The following TCF3 variants were observed in gnomAD, a reference collection of about 807,000 sequenced individuals.
TCF3 encodes the protein transcription factor 3, also known as transcription factor E2-alpha.
TCF3 carries 54 observed loss-of-function variants against 72.3 expected under a neutral mutation model. The ratio of observed to expected loss-of-function variants is 0.75; its 90% CI spans 0.60 to 0.94. The LOEUF (loss-of-function observed/expected upper bound fraction) is 0.94, where lower values mean the gene tolerates loss of function less well. Among genes scored for constraint, TCF3 ranks in the 40% least tolerant of loss-of-function variants. The pLI is 0.00. For synonymous variants in TCF3, 525 were observed against 412.6 expected (o/e 1.27, Z -3.30); for missense variants, 1,078 against 934.4 (o/e 1.15, Z -2.00).
intron 6 of TCF3, 49 bp from the exon 7 acceptor site, chr19:1,625,757 C>T (rs1263895859): frequency 1.4e-6 from 2 of 1,442,962 alleles, no homozygotes; most frequent in Non-Finnish European, 1.8e-6. Context: ...ATCCAGACCC[C>T]AGGCTGTTCC....
At chr19:1,644,883 C>A (rs1227711700) in intron 3 of TCF3, among the ~76,000 whole-genome samples, 1 of 148,832 alleles carries the variant, frequency 6.7e-6, no homozygotes, top group Non-Finnish European at 1.5e-5. Context: ...TTGGGAGTTG[C>A]GCTTCCTCCT....
chr19:1,621,970 C>T lies in TCF3; in HGVS notation c.823G>A (p.Gly275Ser), dbSNP rs1445443955. The change falls in exon 11 of 19, where the codon GGC becomes AGC. Residue 275 changes from glycine (G) to serine (S), a missense_variant and splice_region_variant. Physicochemically the swap from Gly to Ser is moderately conservative, Grantham distance 56. Transcript: ENST00000262965. The part of the protein sequence containing the change: ...FGGLHQHERM[G>S]YQLHGAEVNG... Reference sequence around the variant, plus strand: ...ACCTCTGCTCCATGCAGCTGGTAGCCCTGGGGGGTCAGGCAGGAGGAGGGT... The same window carrying T: ...ACCTCTGCTCCATGCAGCTGGTAGCTCTGGGGGGTCAGGCAGGAGGAGGGT... 2 of 1,604,886 alleles carry T rather than the reference C, an allele frequency of 1.2e-6. No individual in the cohort carries two copies. Among genetic ancestry groups the T allele is most frequent in the African/African-American group, 2.7e-5 (2 of 74,802 alleles).
At chr19:1,621,310 C>G in intron 11 of TCF3, 119 bp from the exon 12 acceptor site, 1 of 1,254,618 alleles carries the variant, frequency 8.0e-7, no homozygotes, top group Non-Finnish European at 1.1e-6. Context: ...AGCAGCCTGA[C>G]TCGGGTCCGG....
intron 3 of TCF3, among the ~76,000 whole-genome samples, chr19:1,644,174 G>A (rs1015066307): frequency 2.6e-5 from 4 of 152,318 alleles, no homozygotes; most frequent in African/African-American, 7.2e-5. Flanking sequence ...GGATCCCTCC[G>A]CCCCTCGCAC....
chr19:1,619,613 C>T (rs1411923352), intron 14 of TCF3, 139 bp from the exon 15 acceptor site: 25 of 1,342,844 alleles, frequency 1.9e-5, no homozygotes, highest in Admixed American at 2.5e-5. Flanking sequence ...AGGCATCTGG[C>T]GCCCGGGAGC....
chr19:1,626,155 T>C (rs2062851707), intron 6 of TCF3, among the ~76,000 whole-genome samples: 3 of 152,092 alleles, frequency 2.0e-5, no homozygotes, highest in Non-Finnish European at 4.4e-5. Flanking sequence ...ACTCCTGCAT[T>C]TCATCCGTTC....
At position 1,650,160 on chromosome 19, in the gene TCF3, C is replaced by CGG; in HGVS notation, c.72+15_72+16dup. ...AGGCAAAGGGGTGTCGGGGGCTGGG[C>CGG]GGGGGTCCTGGCTCACCATGCTGAA... On this transcript the variant is annotated intron_variant, in intron 2 of 18. Coordinates refer to ENST00000262965, the MANE Select transcript of TCF3 (RefSeq NM_003200.5). The CGG allele has an allele frequency of 6.5e-7, 1 of 1,547,136 alleles. No homozygotes were observed. The highest frequency in any genetic ancestry group is 8.7e-7 in the Non-Finnish European group (1 of 1,146,490).
chr19:1,613,657 G>A (rs1380872782), intron 18 of TCF3, among the ~76,000 whole-genome samples: 1 of 152,104 alleles, frequency 6.6e-6, no homozygotes, highest in Non-Finnish European at 1.5e-5. Context: ...CCGGGACTGG[G>A]GAGTCCAGGA....
At position 1,626,477 on chromosome 19, in the gene TCF3, A is replaced by G. The variant is rs376060422; in HGVS notation, c.367-769T>C. Among the ~76,000 whole-genome samples the G allele has an allele frequency of 4.2e-4, 64 of 151,194 alleles. No homozygotes were observed. In the East Asian group the frequency reaches 5.3e-3, roughly 12 times the overall value. On this transcript the variant is annotated intron_variant, in intron 6 of 18. Coordinates refer to ENST00000262965, the MANE Select transcript of TCF3 (RefSeq NM_003200.5). ...AAAAAAAAAAAGAATCATCTGTTCTATCATCATCCAGTGGCCCCACGGGGT... is the reference window on the plus strand; with the variant it reads ...AAAAAAAAAAAGAATCATCTGTTCTGTCATCATCCAGTGGCCCCACGGGGT...
At chr19:1,637,243 C>A (rs927025151) in intron 3 of TCF3, among the ~76,000 whole-genome samples, 1 of 151,846 alleles carries the variant, frequency 6.6e-6, no homozygotes, top group African/African-American at 2.4e-5. Flanking sequence ...CTGGCAACCT[C>A]CTCCACCAGA....
At chr19:1,642,183 CACGCAGACACAG>C (rs1182351385) in intron 3 of TCF3, among the ~76,000 whole-genome samples, 78 of 147,688 alleles carry the variant, frequency 5.3e-4, no homozygotes, top group African/African-American at 1.6e-3. Context: ...TACACACACG[CACGCAGACACAG>C]ACGCAGACAC....
chr19:1,621,735 G>A, intron 11 of TCF3, 103 bp downstream of exon 11: 5 of 1,403,288 alleles, frequency 3.6e-6, no homozygotes, highest in Non-Finnish European at 4.7e-6. Context: ...AGGGCCAGCA[G>A]ACGCGCCTGC....
chr19:1,636,144 G>A (rs1027359586), intron 3 of TCF3, among the ~76,000 whole-genome samples: 1 of 152,116 alleles, frequency 6.6e-6, no homozygotes, highest in Non-Finnish European at 1.5e-5. Context: ...TTCCTTGGGT[G>A]GAGCAGTATT....
chr19:1,611,879 G>T (rs754879566), intron 18 of TCF3, 30 bp from the exon 19 acceptor site: 7 of 1,460,652 alleles, frequency 4.8e-6, no homozygotes, highest in Admixed American at 3.7e-5. Context: ...CTCTGTGGGA[G>T]ACGGTCCCAG....
At chr19:1,642,892 C>T (rs539935917) in intron 3 of TCF3, among the ~76,000 whole-genome samples, 5 of 152,332 alleles carry the variant, frequency 3.3e-5, no homozygotes, top group East Asian at 1.9e-4. Context: ...TAAAGCAGAA[C>T]GCGGAGGTGC....
Position 1,615,810 on chromosome 19 carries a change from C to G in TCF3, c.1462G>C (p.Ala488Pro), listed in dbSNP as rs756936553. ...PPDSYSGLGR[A>P]GATAAASEIK... Reference sequence around the variant, plus strand: ...TCGCTGGCGGCCGCCGTGGCACCTGCTCGCCCTAGCCCTGCAACAGGCCTA... The same window carrying G: ...TCGCTGGCGGCCGCCGTGGCACCTGGTCGCCCTAGCCCTGCAACAGGCCTA... The change falls in exon 17 of 19, where the codon GCA (alanine) becomes CCA (proline). Residue 488 changes from alanine to proline, a missense_variant. Physicochemically the swap from Ala to Pro is conservative, Grantham distance 27. Coordinates refer to ENST00000262965, the MANE Select transcript of TCF3 (RefSeq NM_003200.5). The surrounding 1 kb of genome is among the most constrained non-coding windows in gnomAD (Gnocchi z 7.3). The G allele has an allele frequency of 1.9e-6, 3 of 1,566,776 alleles. No individual in the cohort carries two copies. Among genetic ancestry groups the G allele is most frequent in the Non-Finnish European group, 1.7e-6 (2 of 1,153,058 alleles).
chr19:1,648,827 G>T (rs112017783), intron 2 of TCF3, among the ~76,000 whole-genome samples: 27,738 of 150,944 alleles, frequency 0.18, 2,863 homozygotes, highest in East Asian at 0.27. Context: ...TGGGGGGGGG[G>T]GGGGAGCAGA....
At position 1,621,909 on chromosome 19, in the gene TCF3, G is replaced by A; in HGVS notation, c.884C>T (p.Ser295Leu). The A allele has an allele frequency of 2.5e-6, 4 of 1,591,962 alleles. No homozygotes were observed. The highest frequency in any genetic ancestry group is 3.4e-6 in the Non-Finnish European group (4 of 1,166,654). The part of the protein sequence containing the change: ...GGLPSASSFS[S>L]APGATYGGVS... ...GCCGCCGTACGTGGCTCCGGGGGCTGAGGAGAAGGAGGATGCAGATGGGAG... is the reference window on the plus strand; with the variant it reads ...GCCGCCGTACGTGGCTCCGGGGGCTAAGGAGAAGGAGGATGCAGATGGGAG... The change falls in exon 11 of 19, where the codon TCA (serine) becomes TTA (leucine). Residue 295 changes from serine to leucine, a missense_variant. By Grantham distance (145) the Ser-to-Leu change is moderately radical. Transcript: ENST00000262965.
intron 2 of TCF3, among the ~76,000 whole-genome samples, chr19:1,649,394 G>A (rs116334652): frequency 0.011 from 1,639 of 151,916 alleles, 33 homozygotes; most frequent in African/African-American, 0.037. Flanking sequence ...AGGGTGGTCC[G>A]CTCAGCACTG....
Sources: gnomAD v4.1 joint callset for allele counts (sites outside exome capture counted in the v4.1 genomes callset) on GRCh38, gnomAD v4.1.1 for gene constraint, Gnocchi (gnomAD v3.1) non-coding constraint, MANE v1.5 for transcripts, NCBI Gene and HGNC (gene_info 2026-07-23, HGNC 2026-07-21) for gene names.